Variants in TSC2 observed in about 807,000 individuals in gnomAD.
TSC2 encodes the protein tuberin.
In TSC2, 29 loss-of-function variants were observed where a neutral mutation model predicts 202.2. That is an observed-to-expected ratio of 0.14 (90% CI 0.11 to 0.20). The LOEUF (loss-of-function observed/expected upper bound fraction) is 0.20, where lower values mean the gene tolerates loss of function less well. Among genes scored for constraint, TSC2 ranks in the 10% least tolerant of loss-of-function variants. The probability of loss-of-function intolerance (pLI) is 1.00; values close to 1 mark genes in which losing one functional copy is unlikely to be tolerated. For missense variants in TSC2, 2,429 were observed against 2,420.0 expected (o/e 1.00, Z -0.08); for synonymous variants, 1,349 against 1,044.0 (o/e 1.29, Z -5.63).
intron 3 of TSC2, 42 bp downstream of exon 3, chr16:2,050,528 C>G: frequency 6.4e-7 from 1 of 1,560,990 alleles, no homozygotes. Flanking sequence ...GGCACGTAGA[C>G]TATTCAGAGC....
chr16:2,051,326 A>G (rs551229954), intron 3 of TSC2, among the ~76,000 whole-genome samples: 1 of 152,174 alleles, frequency 6.6e-6, no homozygotes, highest in Non-Finnish European at 1.5e-5. Flanking sequence ...TCTCAAAAAA[A>G]AAAAAAAGGA....
chr16:2,062,117 G>A (rs111240428), intron 12 of TSC2, 109 bp downstream of exon 12: 34 of 1,507,452 alleles, frequency 2.3e-5, no homozygotes, highest in South Asian at 5.9e-5. Flanking sequence ...CCAGGTGGGC[G>A]CCTGCTTTCC....
At chr16:2,058,451 G>A (rs1029953751) in intron 9 of TSC2, among the ~76,000 whole-genome samples, 1 of 152,196 alleles carries the variant, frequency 6.6e-6, no homozygotes. Context: ...TGTGGCTGGC[G>A]CCTGTCTCCC....
At chr16:2,082,180 G>A (rs1275931197) in intron 31 of TSC2, 6 of 600,112 alleles carry the variant, frequency 1.0e-5, no homozygotes, top group Middle Eastern at 4.4e-4. Flanking sequence ...CGTGCTTCTC[G>A]CCAGGCCCTC....
intron 16 of TSC2, 90 bp downstream of exon 16, chr16:2,065,725 A>T: frequency 1.7e-6 from 2 of 1,178,244 alleles, no homozygotes; most frequent in Non-Finnish European, 2.5e-6. Context: ...TCTGTTCCCC[A>T]GCGGGACCCA....
chr16:2,048,515 C>T (rs1325502150), intron 1 of TSC2, 72 bp from the exon 2 acceptor site: 2 of 1,591,388 alleles, frequency 1.3e-6, no homozygotes, highest in South Asian at 2.2e-5. Context: ...GTCCTGACGG[C>T]TGGAGGTCCG....
intron 12 of TSC2, 43 bp from the exon 13 acceptor site, chr16:2,062,454 C>T (rs764493659): frequency 1.6e-5 from 25 of 1,545,016 alleles, no homozygotes; most frequent in East Asian, 7.0e-5. Context: ...AGAAGGAGAG[C>T]GCCGGAGGGG....
intron 4 of TSC2, chr16:2,054,057 T>C (rs2085465255): frequency 6.7e-6 from 4 of 596,448 alleles, no homozygotes; most frequent in South Asian, 1.9e-5. Flanking sequence ...CGCCACCCGC[T>C]GTGCCAGGTC....
intron 32 of TSC2, 63 bp from the exon 33 acceptor site, chr16:2,083,632 G>A (rs1216458204): frequency 3.9e-6 from 6 of 1,549,714 alleles, no homozygotes; most frequent in Middle Eastern, 1.7e-4. Context: ...GTTCTCGGAG[G>A]CCACGTCAGG....
intron 32 of TSC2, chr16:2,083,417 G>C (rs1348685968): frequency 3.5e-6 from 2 of 578,558 alleles, no homozygotes; most frequent in Admixed American, 5.1e-5. Context: ...CCTACCTGGA[G>C]GCACAGGGGT....
intron 22 of TSC2, among the ~76,000 whole-genome samples, chr16:2,075,490 G>A (rs1417764927): frequency 7.5e-6 from 1 of 132,870 alleles, no homozygotes; most frequent in Admixed American, 8.6e-5. Flanking sequence ...TCGCGCCACT[G>A]CACTCCAGCC....
chr16:2,082,690 C>T, intron 32 of TSC2, 186 bp downstream of exon 32: 2 of 687,012 alleles, frequency 2.9e-6, no homozygotes, highest in East Asian at 2.7e-5. Context: ...ATCCCCTTGA[C>T]TTGGTCCCTT....
At position 2,079,420 on chromosome 16, in the gene TSC2, G is replaced by C. The variant is rs368923127; in HGVS notation, c.3276G>C (p.Pro1092=). The C allele has an allele frequency of 5.7e-6, 9 of 1,591,654 alleles. No homozygotes were observed. Among genetic ancestry groups the C allele is most frequent in the Non-Finnish European group, 7.7e-6 (9 of 1,167,758 alleles). Reference sequence around the variant, plus strand: ...ACTCGGGGGAGCTGCAGTCCGGCCCGGAGTCGAGGTGACTGCACCTTCCTT... The same window carrying C: ...ACTCGGGGGAGCTGCAGTCCGGCCCCGAGTCGAGGTGACTGCACCTTCCTT... The part of the protein sequence containing the change: ...GLDSGELQSG[P]ESSSSPGVHV... The change falls in exon 28 of 42, where the codon CCG becomes CCC. Residue 1092 remains proline, a synonymous_variant. Transcript: ENST00000219476. This position sits in a 1 kb window ranked among gnomAD's most constrained non-coding sequence, Gnocchi z 4.6.
At chr16:2,057,270 A>G (rs2085985534) in intron 9 of TSC2, 92 bp downstream of exon 9, 1 of 1,449,250 alleles carries the variant, frequency 6.9e-7, no homozygotes, top group Non-Finnish European at 9.5e-7. Flanking sequence ...ACTGGCTTAG[A>G]GAGTCCTTGT....
At chr16:2,067,133 G>A (rs2087495679) in intron 16 of TSC2, among the ~76,000 whole-genome samples, 1 of 151,674 alleles carries the variant, frequency 6.6e-6, no homozygotes, top group African/African-American at 2.4e-5. Context: ...TTCTTGCCAT[G>A]GAAGTTGAAA....
At position 2,088,673 on chromosome 16, in the gene TSC2, G is replaced by T. The variant is rs2091235156; in HGVS notation, c.*63G>T. The T allele has an allele frequency of 2.0e-6, 3 of 1,504,010 alleles. No homozygotes were observed. Among genetic ancestry groups the T allele is most frequent in the Non-Finnish European group, 2.7e-6 (3 of 1,114,286 alleles). The allele number at this position is 1,504,010 out of a possible 1,614,324, so 93.2% of individuals were successfully genotyped here. ...ATTGCCTGTCAGTGAAATAAATAAA[G>T]TCCTGACCCCAGTGCACAGACATAG... On this transcript the variant is annotated 3_prime_UTR_variant, in exon 42 of 42. Coordinates refer to ENST00000219476, the MANE Select transcript of TSC2 (RefSeq NM_000548.5).
chr16:2,082,729 C>T (rs1411847234), intron 32 of TSC2: 6 of 618,520 alleles, frequency 9.7e-6, no homozygotes, highest in East Asian at 5.6e-5. Context: ...CCACGCTGTG[C>T]GAGCACTCCC....
chr16:2,074,365 G>A lies in TSC2; in HGVS notation c.2521G>A (p.Val841Ile), dbSNP rs549612492. 6.2e-6 allele frequency: 10 copies of A among 1,611,728 alleles called. No individual in the cohort carries two copies. The highest frequency in any genetic ancestry group is 1.3e-5 in the African/African-American group (1 of 74,948). ...THISATASMA[V>I]PLLEFLSTLA... Reference sequence around the variant, plus strand: ...CATCTCAGCCACAGCCAGCATGGCCGTCCCACTGCTGGAGTTCCTGTCCAG... The same window carrying A: ...CATCTCAGCCACAGCCAGCATGGCCATCCCACTGCTGGAGTTCCTGTCCAG... Residue 841 changes from valine to isoleucine, a missense_variant, in exon 22 of 42, where the codon GTC becomes ATC. Physicochemically the swap from Val to Ile is conservative, Grantham distance 29. Transcript: ENST00000219476.
chr16:2,060,974 C>T lies in TSC2; in HGVS notation c.1119+161C>T, dbSNP rs748808717. 1.3e-4 allele frequency: 122 copies of T among 916,382 alleles called. No homozygotes were observed. In the Admixed American group the frequency reaches 1.9e-3, roughly 14 times the overall value. The allele number at this position is 916,382 out of a possible 1,614,324, so 56.8% of individuals were successfully genotyped here. A position where few individuals can be genotyped will look rare whatever the true frequency, so the allele number is the denominator to read the frequency against. ...GCAGTGGCGCTCATCCACCTTCCAC[C>T]GGAGACAGGTCTGATTTTTCCAGAC... On this transcript the variant is annotated intron_variant, in intron 11 of 41. Coordinates refer to ENST00000219476, the MANE Select transcript of TSC2 (RefSeq NM_000548.5).
Sources: allele counts gnomAD v4.1 joint callset (sites outside exome capture counted in the v4.1 genomes callset), GRCh38; gene constraint gnomAD v4.1.1; non-coding constraint Gnocchi (gnomAD v3.1); transcripts MANE v1.5; gene names NCBI Gene and HGNC (gene_info 2026-07-23, HGNC 2026-07-21).